The following CEACAM8 variants were observed in gnomAD, a reference collection of about 807,000 sequenced individuals.
CEACAM8 encodes the protein CEA cell adhesion molecule 8, also known as cell adhesion molecule CEACAM8.
Under a neutral mutation model 33.4 loss-of-function variants are expected in CEACAM8, and 31 were observed. The ratio of observed to expected loss-of-function variants is 0.93; its 90% CI spans 0.70 to 1.25. CEACAM8 has a LOEUF of 1.25. Among genes scored for constraint, CEACAM8 ranks in the 50% most tolerant of loss-of-function variants. The probability of loss-of-function intolerance (pLI) is 0.00; values close to 1 mark genes in which losing one functional copy is unlikely to be tolerated. For synonymous variants in CEACAM8, 138 were observed against 164.5 expected (o/e 0.84, Z 1.23); for missense variants, 388 against 434.6 (o/e 0.89, Z 0.95).
At chr19:42,593,995 G>T (rs1462772835) in intron 1 of CEACAM8, 95 bp from the exon 2 acceptor site, 3 of 1,262,058 alleles carry the variant, frequency 2.4e-6, no homozygotes, top group East Asian at 4.7e-5. Flanking sequence ...GTTTTTATGT[G>T]TGTGTATGTG....
intron 4 of CEACAM8, among the ~76,000 whole-genome samples, chr19:42,584,283 C>G (rs2147856061): frequency 6.6e-6 from 1 of 152,234 alleles, no homozygotes; most frequent in South Asian, 2.1e-4. Context: ...TTGGCCCTCA[C>G]CAGTCAACTC....
At chr19:42,589,885 CA>C in intron 2 of CEACAM8, 150 bp from the exon 3 acceptor site, 1 of 1,482,538 alleles carries the variant, frequency 6.7e-7, no homozygotes, top group Non-Finnish European at 9.1e-7. Flanking sequence ...GACAGATGCA[CA>C]ATGATCGGGG....
At chr19:42,583,080 G>T in intron 5 of CEACAM8, 126 bp downstream of exon 5, 1 of 618,138 alleles carries the variant, frequency 1.6e-6, no homozygotes, top group Non-Finnish European at 2.9e-6. Flanking sequence ...AGACCTGCAG[G>T]AATTAGTGCT....
intron 2 of CEACAM8, among the ~76,000 whole-genome samples, chr19:42,591,707 C>G (rs533975304): frequency 6.6e-5 from 10 of 152,200 alleles, no homozygotes; most frequent in Non-Finnish European, 1.3e-4. Flanking sequence ...CACAATGGTG[C>G]CATCATGAGG....
chr19:42,591,803 ATCATTCATTCTC>A (rs1412817625), intron 2 of CEACAM8, among the ~76,000 whole-genome samples: 2 of 152,312 alleles, frequency 1.3e-5, no homozygotes, highest in East Asian at 3.9e-4. Context: ...GAGGTTTTGC[ATCATTCATTCTC>A]TCATTCATTC....
At chr19:42,594,014 C>A (rs562354702) in intron 1 of CEACAM8, 114 bp from the exon 2 acceptor site, 2 of 1,139,336 alleles carry the variant, frequency 1.8e-6, no homozygotes, top group East Asian at 2.4e-5. Context: ...TGTGTGTGTC[C>A]TACTGAGTCA....
At position 42,583,262 on chromosome 19, in the gene CEACAM8, C is replaced by A. The variant is rs372343180; in HGVS notation, c.1034G>T (p.Arg345Met). 5.0e-6 allele frequency: 8 copies of A among 1,611,554 alleles called. No individual in the cohort carries two copies. Among genetic ancestry groups the A allele is most frequent in the East Asian group, 2.2e-5 (1 of 44,856 alleles). ...TVSIMIGVLA[R>M]VALI ...CCAGAGCTACTATATCAGAGCCACCCTGGCCAGTACTCCAATCATGATGCT... is the reference window on the plus strand; with the variant it reads ...CCAGAGCTACTATATCAGAGCCACCATGGCCAGTACTCCAATCATGATGCT... Residue 345 changes from arginine (R) to methionine (M), a missense_variant, in exon 5 of 6, where the codon AGG becomes ATG. By Grantham distance (91) the Arg-to-Met change is moderately conservative (BLOSUM62 -1). Transcript: ENST00000244336.
intron 3 of CEACAM8, 148 bp from the exon 4 acceptor site, chr19:42,589,186 C>CCA: frequency 9.3e-7 from 1 of 1,072,954 alleles, no homozygotes; most frequent in East Asian, 2.4e-5. Flanking sequence ...GCTGTTTCTA[C>CCA]TGAGACAGAG....
chr19:42,583,363 G>A (rs1185679395), intron 4 of CEACAM8, 26 bp from the exon 5 acceptor site: 2 of 1,530,210 alleles, frequency 1.3e-6, no homozygotes, highest in Non-Finnish European at 1.8e-6. Context: ...AAGAAGAGAA[G>A]GAATGAAGTT....
Position 42,593,542 on chromosome 19 carries a change from A to T in CEACAM8, c.423T>A (p.His141Gln), listed in dbSNP as rs1395062125. ...CAGAGGTCATGGGGAATCACTCACG[A>T]TGTACGCTGAACTGGCCAGTTACTT... is the stretch of plus-strand genomic sequence containing the variant. ...SEEVTGQFSVHPETPKPSISS... is the reference protein window; with the variant it reads ...SEEVTGQFSVQPETPKPSISS... Residue 141 changes from histidine to glutamine, a missense_variant and splice_region_variant, in exon 2 of 6, where the codon CAT becomes CAA. Transcript: ENST00000244336. 6.4e-7 allele frequency: 1 copy of T among 1,558,374 alleles called. No homozygotes were observed. Among genetic ancestry groups the T allele is most frequent in the Non-Finnish European group, 8.7e-7 (1 of 1,150,394 alleles).
At chr19:42,591,714 G>A (rs2042443183) in intron 2 of CEACAM8, among the ~76,000 whole-genome samples, 1 of 152,202 alleles carries the variant, frequency 6.6e-6, no homozygotes. Context: ...GTGCCATCAT[G>A]AGGACACAGA....
intron 4 of CEACAM8, 115 bp from the exon 5 acceptor site, chr19:42,583,452 A>T (rs2042287072): frequency 8.5e-6 from 6 of 703,208 alleles, no homozygotes; most frequent in South Asian, 8.3e-5. Flanking sequence ...CAAGGAATAC[A>T]TTATTTTTGT....
chr19:42,583,172 G>A, intron 5 of CEACAM8, 34 bp downstream of exon 5: 3 of 959,336 alleles, frequency 3.1e-6, no homozygotes, highest in Non-Finnish European at 3.3e-6. Flanking sequence ...GGTCAGCCCT[G>A]CAGGAAACAG....
intron 1 of CEACAM8, 48 bp downstream of exon 1, chr19:42,594,717 T>C (rs757211476): frequency 3.3e-6 from 5 of 1,495,424 alleles, no homozygotes; most frequent in Non-Finnish European, 3.7e-6. Context: ...CCCCAGCCAG[T>C]CACTGTGTTT....
At chr19:42,588,624 A>T (rs45572534) in intron 4 of CEACAM8, among the ~76,000 whole-genome samples, 160 bp downstream of exon 4, 161 of 152,250 alleles carry the variant, frequency 1.1e-3, no homozygotes, top group Non-Finnish European at 1.5e-3. Context: ...GGCAGAAGAG[A>T]GTCTATAGAG....
chr19:42,590,825 G>A (rs1416891771), intron 2 of CEACAM8, among the ~76,000 whole-genome samples: 1 of 152,174 alleles, frequency 6.6e-6, no homozygotes, highest in Admixed American at 6.5e-5. Flanking sequence ...AGTTACACAG[G>A]ATGAGGAGGT....
chr19:42,590,050 T>G (rs950252569), intron 2 of CEACAM8, among the ~76,000 whole-genome samples: 2 of 152,200 alleles, frequency 1.3e-5, no homozygotes, highest in Non-Finnish European at 1.5e-5. Flanking sequence ...GCTGCCTGCC[T>G]GGCCTACCTA....
chr19:42,588,249 G>C lies in CEACAM8; in HGVS notation c.958+535C>G, dbSNP rs1004349921. ...CTGAGCACCTTTTCCATACACCTGG[G>C]TCCCACCCCAGGTGGAGTCAGGGCA... On this transcript the variant is annotated intron_variant, in intron 4 of 5. Transcript: ENST00000244336. Among the ~76,000 whole-genome samples the C allele has an allele frequency of 3.9e-5, 6 of 152,140 alleles. No homozygotes were observed. In the East Asian group the frequency reaches 1.2e-3, roughly 29 times the overall value.
chr19:42,594,668 T>C, intron 1 of CEACAM8, 97 bp downstream of exon 1: 1 of 916,984 alleles, frequency 1.1e-6, no homozygotes, highest in South Asian at 1.3e-5. Flanking sequence ...CCAACAGAAG[T>C]CCTCTGTCCC....
Sources: allele counts gnomAD v4.1 joint callset (sites outside exome capture counted in the v4.1 genomes callset), GRCh38; gene constraint gnomAD v4.1.1; transcripts MANE v1.5; gene names NCBI Gene and HGNC (gene_info 2026-07-23, HGNC 2026-07-21).